Variants in CCSER1 observed in about 807,000 individuals in gnomAD.
The protein encoded by CCSER1 is coiled-coil serine rich protein 1, also known as serine-rich coiled-coil domain-containing protein 1.
CCSER1 carries 41 observed loss-of-function variants against 82.0 expected under a neutral mutation model. That is an observed-to-expected ratio of 0.50 (90% CI 0.39 to 0.65). CCSER1 has a LOEUF of 0.65. Among genes scored for constraint, CCSER1 ranks in the 30% least tolerant of loss-of-function variants. The probability of loss-of-function intolerance (pLI) is 0.00; values close to 1 mark genes in which losing one functional copy is unlikely to be tolerated. For synonymous variants in CCSER1, 414 were observed against 383.9 expected, an observed-to-expected ratio of 1.08 and a Z score of -0.92; for missense variants, 1,119 against 1,064.2, an observed-to-expected ratio of 1.05 and a Z score of -0.72.
At chr4:91,085,506 G>A (rs1412681730) in intron 9 of CCSER1, among the ~76,000 whole-genome samples, 2 of 152,038 alleles carry the variant, frequency 1.3e-5, no homozygotes, top group Non-Finnish European at 2.9e-5. Context: ...ATAAAATCCT[G>A]AATATTTTAT....
chr4:91,292,916 C>A (rs1341142580), intron 10 of CCSER1, among the ~76,000 whole-genome samples: 1 of 151,904 alleles, frequency 6.6e-6, no homozygotes, highest in Non-Finnish European at 1.5e-5. Context: ...TATCTCCTCT[C>A]CCATATGACA....
At chr4:91,186,770 T>TG (rs1220505045) in intron 10 of CCSER1, among the ~76,000 whole-genome samples, 8 of 152,354 alleles carry the variant, frequency 5.3e-5, no homozygotes, top group East Asian at 1.9e-4. Flanking sequence ...AGGAATAGGT[T>TG]GGGCTAGTTA....
intron 10 of CCSER1, among the ~76,000 whole-genome samples, chr4:91,588,829 TA>T (rs1270201484): frequency 1.3e-5 from 2 of 151,802 alleles, no homozygotes; most frequent in African/African-American, 4.8e-5. Context: ...AAACATAACT[TA>T]TGTCAATTAT....
chr4:91,139,837 A>G (rs576766256), intron 10 of CCSER1, among the ~76,000 whole-genome samples: 1 of 152,196 alleles, frequency 6.6e-6, no homozygotes, highest in Non-Finnish European at 1.5e-5. Context: ...AACCTTTTGT[A>G]TAGATATGCC....
At chr4:90,702,887 C>T (rs1408398314) in intron 6 of CCSER1, among the ~76,000 whole-genome samples, 3 of 152,016 alleles carry the variant, frequency 2.0e-5, no homozygotes, top group East Asian at 1.9e-4. Flanking sequence ...GTCTTGCTAG[C>T]AGTCTATCAA....
intron 9 of CCSER1, among the ~76,000 whole-genome samples, chr4:91,050,512 T>TA (rs1359957208): frequency 6.6e-5 from 10 of 152,138 alleles, no homozygotes; most frequent in Non-Finnish European, 1.5e-4. Flanking sequence ...AAATAGTACT[T>TA]ACACTGAAAT....
At chr4:90,306,463 T>C (rs1301318379) in intron 1 of CCSER1, among the ~76,000 whole-genome samples, 1 of 152,174 alleles carries the variant, frequency 6.6e-6, no homozygotes, top group East Asian at 1.9e-4. Flanking sequence ...ACAATTGTCA[T>C]CTGTCAATTA....
intron 6 of CCSER1, among the ~76,000 whole-genome samples, chr4:90,722,260 A>C (rs905479140): frequency 1.3e-5 from 2 of 151,876 alleles, no homozygotes; most frequent in African/African-American, 4.8e-5. Flanking sequence ...CAGGCTGTCC[A>C]TACTACAGGT....
intron 7 of CCSER1, among the ~76,000 whole-genome samples, chr4:90,770,933 C>G (rs893674693): frequency 7.2e-5 from 11 of 152,008 alleles, no homozygotes; most frequent in African/African-American, 2.7e-4. Flanking sequence ...AATCTATCAC[C>G]TAAGTTGGAA....
intron 1 of CCSER1, among the ~76,000 whole-genome samples, chr4:90,280,924 C>T (rs72879751): frequency 0.028 from 4,276 of 152,056 alleles, 182 homozygotes; most frequent in African/African-American, 0.095. Context: ...TCACATTACA[C>T]AGCCCAATGT....
intron 1 of CCSER1, among the ~76,000 whole-genome samples, chr4:90,132,125 T>C (rs1722922851): frequency 6.6e-6 from 1 of 152,234 alleles, no homozygotes; most frequent in Non-Finnish European, 1.5e-5. Context: ...ATTACAAAAG[T>C]GAAAGCCTAT....
chr4:91,065,132 T>G (rs544850456), intron 9 of CCSER1, among the ~76,000 whole-genome samples: 1 of 152,260 alleles, frequency 6.6e-6, no homozygotes, highest in African/African-American at 2.4e-5. Flanking sequence ...TTAAATGCTT[T>G]AATACATGTC....
intron 6 of CCSER1, among the ~76,000 whole-genome samples, chr4:90,656,994 CAA>C (rs1435326116): frequency 6.6e-6 from 1 of 151,926 alleles, no homozygotes; most frequent in East Asian, 1.9e-4. Context: ...ATCATGACCT[CAA>C]TATTTATTAA....
At chr4:91,431,052 C>A (rs1376033498) in intron 10 of CCSER1, among the ~76,000 whole-genome samples, 1 of 151,952 alleles carries the variant, frequency 6.6e-6, no homozygotes, top group African/African-American at 2.4e-5. Context: ...CTGGCTAACA[C>A]GGTGAAACCC....
At chr4:91,089,668 C>G (rs1723748979) in intron 10 of CCSER1, among the ~76,000 whole-genome samples, 1 of 152,092 alleles carries the variant, frequency 6.6e-6, no homozygotes, top group African/African-American at 2.4e-5. Context: ...GTACAGGTAG[C>G]AAACAAGGGA....
chr4:90,841,646 C>A (rs1762589192), intron 8 of CCSER1, among the ~76,000 whole-genome samples: 1 of 149,908 alleles, frequency 6.7e-6, no homozygotes, highest in Admixed American at 6.6e-5. Context: ...TAGTCTGGGT[C>A]AGGAAACATT....
At chr4:90,392,070 G>C (rs1215694560) in intron 3 of CCSER1, among the ~76,000 whole-genome samples, 1 of 151,910 alleles carries the variant, frequency 6.6e-6, no homozygotes, top group Non-Finnish European at 1.5e-5. Context: ...TTTGTCATGA[G>C]AGTAGAACCT....
intron 5 of CCSER1, among the ~76,000 whole-genome samples, chr4:90,583,723 T>G (rs976499012): frequency 6.6e-6 from 1 of 152,094 alleles, no homozygotes; most frequent in Non-Finnish European, 1.5e-5. Flanking sequence ...ATGTGGTGTT[T>G]CAGCACATCT....
At chr4:91,153,094 C>G (rs994018386) in intron 10 of CCSER1, among the ~76,000 whole-genome samples, 5 of 151,976 alleles carry the variant, frequency 3.3e-5, no homozygotes, top group African/African-American at 1.2e-4. Context: ...GGATAATATC[C>G]CGCAGAGTGT....
Sources: allele counts gnomAD v4.1 joint callset (sites outside exome capture counted in the v4.1 genomes callset), GRCh38; gene constraint gnomAD v4.1.1; transcripts MANE v1.5; gene names NCBI Gene and HGNC (gene_info 2026-07-23, HGNC 2026-07-21).